Variants in GALNTL6 observed in about 807,000 individuals in gnomAD.
GALNTL6 encodes polypeptide N-acetylgalactosaminyltransferase like 6.
A neutral mutation model predicts 73.7 loss-of-function variants in GALNTL6; 46 were observed. The observed-to-expected ratio is 0.62, with a 90% CI of 0.49 to 0.80. The LOEUF is 0.80. GALNTL6 is among the 30% of genes least tolerant of loss of function. The pLI, the probability that GALNTL6 is intolerant of heterozygous loss-of-function variation, is 0.00. For missense variants in GALNTL6, 604 were observed against 755.0 expected (o/e 0.80, Z 2.34); for synonymous variants, 259 against 263.7 (o/e 0.98, Z 0.17).
At chr4:172,470,888 T>G (rs1351187543) in intron 5 of GALNTL6, among the ~76,000 whole-genome samples, 1 of 152,148 alleles carries the variant, frequency 6.6e-6, no homozygotes, top group Non-Finnish European at 1.5e-5. Context: ...ATGTTGGAGC[T>G]AAGAAGGTCC....
intron 2 of GALNTL6, among the ~76,000 whole-genome samples, chr4:172,223,287 C>CA (rs1560976867): frequency 6.6e-6 from 1 of 151,822 alleles, no homozygotes; most frequent in South Asian, 2.1e-4. Flanking sequence ...TTCTTTCCAC[C>CA]AAAAAAATTT....
intron 10 of GALNTL6, among the ~76,000 whole-genome samples, chr4:172,965,707 A>G (rs1239978939): frequency 1.3e-5 from 2 of 151,748 alleles, no homozygotes; most frequent in Non-Finnish European, 2.9e-5. Flanking sequence ...AATTCAAGTC[A>G]TAACAGAATT....
intron 3 of GALNTL6, among the ~76,000 whole-genome samples, chr4:172,295,880 G>A (rs2111109856): frequency 6.6e-6 from 1 of 151,684 alleles, no homozygotes; most frequent in South Asian, 2.1e-4. Flanking sequence ...AATTTTGTAG[G>A]AAGTTTTGTA....
At chr4:172,542,164 C>T (rs1036772080) in intron 5 of GALNTL6, among the ~76,000 whole-genome samples, 2 of 151,474 alleles carry the variant, frequency 1.3e-5, no homozygotes, top group Admixed American at 1.3e-4. Flanking sequence ...GGCAGATGTG[C>T]CAAATTTTAT....
At chr4:172,750,633 C>T (rs1275806963) in intron 5 of GALNTL6, among the ~76,000 whole-genome samples, 1 of 152,116 alleles carries the variant, frequency 6.6e-6, no homozygotes, top group Non-Finnish European at 1.5e-5. Flanking sequence ...GTTCCTTTGC[C>T]TTTTCCCATT....
At chr4:171,968,609 G>A (rs898004797) in intron 2 of GALNTL6, among the ~76,000 whole-genome samples, 1 of 152,090 alleles carries the variant, frequency 6.6e-6, no homozygotes, top group African/African-American at 2.4e-5. Context: ...GTTCCAGGAC[G>A]ACATGAATTT....
rs74605527 is a variant in GALNTL6, at chr4:172,428,353, G to C, written c.553+79664G>C. ...TGAATGTGTATGAAAAATACAAAAA[G>C]TAAAATGGCGTTAGGAAACTGACAA... On this transcript the variant is annotated intron_variant, in intron 5 of 12. Coordinates refer to ENST00000506823, the MANE Select transcript of GALNTL6 (RefSeq NM_001034845.3). Among the ~76,000 whole-genome samples, 475 of 152,120 alleles carry C rather than the reference G, an allele frequency of 3.1e-3. 2 individuals are homozygous for C. Among genetic ancestry groups the C allele is most frequent in the African/African-American group, 0.011 (442 of 41,508 alleles).
At chr4:171,905,615 A>C (rs1306379211) in intron 2 of GALNTL6, among the ~76,000 whole-genome samples, 1 of 150,116 alleles carries the variant, frequency 6.7e-6, no homozygotes, top group Non-Finnish European at 1.5e-5. Context: ...ATACCCAGGA[A>C]TTGAACTCAG....
At chr4:171,858,133 G>A (rs184433350) in intron 2 of GALNTL6, among the ~76,000 whole-genome samples, 4 of 152,174 alleles carry the variant, frequency 2.6e-5, no homozygotes, top group Non-Finnish European at 5.9e-5. Flanking sequence ...AAGCAATATA[G>A]AAATTATGTA....
At chr4:172,876,920 A>G (rs1183774962) in intron 7 of GALNTL6, among the ~76,000 whole-genome samples, 2 of 152,212 alleles carry the variant, frequency 1.3e-5, no homozygotes, top group Non-Finnish European at 2.9e-5. Context: ...TTCTGGTTAT[A>G]TAATTGAAAA....
In GALNTL6 at chr4:172,731,762, T is replaced by A. The variant is rs541595416; in HGVS notation, c.554-77599T>A. Among the ~76,000 whole-genome samples, 11 of 152,218 alleles carry A rather than the reference T, an allele frequency of 7.2e-5. No homozygotes were observed. In the South Asian group the frequency reaches 1.0e-3, roughly 14 times the overall value. On this transcript the variant is annotated intron_variant, in intron 5 of 12. Transcript: ENST00000506823. ...TTTTGCATTTTTATTTCAATCAAAA[T>A]TTTTTAAAATTTCCTTCTTAATTTT...
Position 172,008,892 on chromosome 4 carries a change from A to C in GALNTL6, c.138+194174A>C, listed in dbSNP as rs140718051. Among the ~76,000 whole-genome samples the C allele has an allele frequency of 2.2e-4, 33 of 150,270 alleles. No individual in the cohort carries two copies. In the East Asian group the frequency reaches 6.0e-3, roughly 27 times the overall value. ...CTTAGAAGATGTCTGTGTGTAGAGG[A>C]GGGAGGGTGGTAAATTTTAAAAAGA... On this transcript the variant is annotated intron_variant, in intron 2 of 12. Coordinates refer to ENST00000506823, the MANE Select transcript of GALNTL6 (RefSeq NM_001034845.3).
intron 12 of GALNTL6, among the ~76,000 whole-genome samples, chr4:173,035,400 A>T (rs1248037193): frequency 6.6e-6 from 1 of 152,052 alleles, no homozygotes; most frequent in Non-Finnish European, 1.5e-5. Context: ...CTGGTCTCGA[A>T]CTTCTGACCT....
intron 2 of GALNTL6, among the ~76,000 whole-genome samples, chr4:172,007,847 G>A (rs1740884472): frequency 6.6e-6 from 1 of 151,984 alleles, no homozygotes. Flanking sequence ...TTTATAGATG[G>A]ATCAGAGATA....
intron 5 of GALNTL6, among the ~76,000 whole-genome samples, chr4:172,530,750 T>C (rs1735142477): frequency 6.6e-6 from 1 of 152,180 alleles, no homozygotes; most frequent in Middle Eastern, 3.2e-3. Context: ...ATACAAGAAA[T>C]AAAAAATATT....
chr4:172,534,073 A>G (rs547061633), intron 5 of GALNTL6, among the ~76,000 whole-genome samples: 2 of 152,320 alleles, frequency 1.3e-5, no homozygotes, highest in South Asian at 2.1e-4. Context: ...AATAAAGGGT[A>G]TAATGTGAAG....
At chr4:173,013,282 A>G (rs1258616930) in intron 11 of GALNTL6, among the ~76,000 whole-genome samples, 3 of 152,160 alleles carry the variant, frequency 2.0e-5, no homozygotes, top group Admixed American at 2.0e-4. Context: ...TTAAAAAGAA[A>G]AAGGAGGAAA....
intron 2 of GALNTL6, among the ~76,000 whole-genome samples, chr4:171,824,077 TTATATATATATATATATA>T (rs3080307): frequency 1.4e-4 from 18 of 129,210 alleles, no homozygotes; most frequent in Admixed American, 4.5e-4. Flanking sequence ...CAAATCCATT[TTATATATATATATATATA>T]TATATATATA....
At chr4:172,488,976 T>C (rs1283115514) in intron 5 of GALNTL6, among the ~76,000 whole-genome samples, 1 of 152,172 alleles carries the variant, frequency 6.6e-6, no homozygotes, top group Non-Finnish European at 1.5e-5. Flanking sequence ...ATTCCATTCG[T>C]CTACTCAAGA....
Sources: gnomAD v4.1 joint callset for allele counts (sites outside exome capture counted in the v4.1 genomes callset) on GRCh38, gnomAD v4.1.1 for gene constraint, MANE v1.5 for transcripts, NCBI Gene and HGNC (gene_info 2026-07-23, HGNC 2026-07-21) for gene names.